ARHGAP17: variants seen among roughly 807,000 people sequenced by gnomAD.
ARHGAP17 encodes Rho GTPase activating protein 17, also known as rho GTPase-activating protein 17.
Under a neutral mutation model 99.5 loss-of-function variants are expected in ARHGAP17, and 57 were observed. The ratio of observed to expected loss-of-function variants is 0.57; its 90% CI spans 0.46 to 0.71. The LOEUF is 0.71. Among genes scored for constraint, ARHGAP17 ranks in the 30% least tolerant of loss-of-function variants. ARHGAP17 has a pLI of 0.00. For missense variants in ARHGAP17, 1,000 were observed against 1,122.4 expected (o/e 0.89, Z 1.56); for synonymous variants, 417 against 429.6 (o/e 0.97, Z 0.36).
At chr16:24,941,271 C>A (rs1339978625) in intron 16 of ARHGAP17, among the ~76,000 whole-genome samples, 1 of 152,162 alleles carries the variant, frequency 6.6e-6, no homozygotes, top group African/African-American at 2.4e-5. Flanking sequence ...CCAAGAAAAG[C>A]ATATTACTTC....
intron 19 of ARHGAP17, among the ~76,000 whole-genome samples, chr16:24,922,642 A>G (rs1049102010): frequency 2.0e-5 from 3 of 152,158 alleles, no homozygotes; most frequent in Admixed American, 6.5e-5. Flanking sequence ...ACCAGTTTTC[A>G]GAAAGAGACT....
At chr16:25,008,966 C>T (rs1268101169) in intron 1 of ARHGAP17, among the ~76,000 whole-genome samples, 2 of 152,160 alleles carry the variant, frequency 1.3e-5, no homozygotes, top group African/African-American at 2.4e-5. Context: ...GACAAGAGGA[C>T]CTCTTTCCAC....
intron 12 of ARHGAP17, among the ~76,000 whole-genome samples, 188 bp from the exon 13 acceptor site, chr16:24,949,672 C>T (rs557929445): frequency 1.3e-5 from 2 of 152,288 alleles, no homozygotes; most frequent in Admixed American, 6.5e-5. Flanking sequence ...GTTGGTTAAC[C>T]TTCAATCTCT....
chr16:24,940,253 A>G (rs1046063561), intron 16 of ARHGAP17, among the ~76,000 whole-genome samples: 3 of 152,238 alleles, frequency 2.0e-5, no homozygotes, highest in African/African-American at 4.8e-5. Flanking sequence ...TCCCATCTCA[A>G]ATCTGTTTTT....
intron 1 of ARHGAP17, chr16:25,013,796 G>C (rs1317734937): frequency 6.6e-6 from 1 of 152,154 alleles, no homozygotes; most frequent in Non-Finnish European, 1.5e-5. Flanking sequence ...AATGTATCTT[G>C]GCACTTACTA....
At chr16:25,014,824 GAAGTCAC>G (rs1567278566) in intron 1 of ARHGAP17, among the ~76,000 whole-genome samples, 2 of 152,344 alleles carry the variant, frequency 1.3e-5, no homozygotes, top group African/African-American at 4.8e-5. Flanking sequence ...GTTAGGGACA[GAAGTCAC>G]CGTTGTTGAG....
At chr16:24,969,626 G>A (rs535666546) in intron 4 of ARHGAP17, among the ~76,000 whole-genome samples, 1 of 152,302 alleles carries the variant, frequency 6.6e-6, no homozygotes, top group South Asian at 2.1e-4. Context: ...GCTATTACTT[G>A]GAAAACACTT....
chr16:24,985,264 T>C (rs932789796), intron 1 of ARHGAP17, among the ~76,000 whole-genome samples: 1 of 152,222 alleles, frequency 6.6e-6, no homozygotes, highest in African/African-American at 2.4e-5. Context: ...TTGTTTCCTA[T>C]TGCTGCTGTA....
intron 3 of ARHGAP17, among the ~76,000 whole-genome samples, chr16:24,973,178 C>T (rs1236953795): frequency 5.3e-5 from 8 of 152,218 alleles, no homozygotes; most frequent in Non-Finnish European, 1.5e-5. Flanking sequence ...TTGTAAAATG[C>T]ATGCCAATCG....
chr16:24,941,162 A>G (rs1172944443), intron 16 of ARHGAP17, among the ~76,000 whole-genome samples: 2 of 152,238 alleles, frequency 1.3e-5, no homozygotes, highest in African/African-American at 4.8e-5. Flanking sequence ...AAAGAACAAG[A>G]AACAAACAGC....
chr16:24,964,061 G>C (rs2052095995), intron 7 of ARHGAP17, 136 bp downstream of exon 7: 1 of 559,418 alleles, frequency 1.8e-6, no homozygotes, highest in East Asian at 3.1e-5. Context: ...TAGAGAAGAA[G>C]AAAATAAAAC....
chr16:25,015,148 CGCGCCCT>C lies in ARHGAP17; in HGVS notation c.53+54_53+60del, dbSNP rs1022601765. ...GACCGCGGAGGAGCCGTCCCGCCCC[CGCGCCCT>C]CCGCCCTCCGCCCCCAGCCCCGGTG... is the stretch of plus-strand genomic sequence containing the variant. On this transcript the variant is annotated intron_variant, in intron 1 of 19. Transcript: ENST00000289968. 2.7e-5 allele frequency: 33 copies of C among 1,212,000 alleles called. No individual in the cohort carries two copies. The African/African-American group carries it at 4.5e-4, about 17-fold the overall frequency. The allele number at this position is 1,212,000 out of a possible 1,614,324, so 75.1% of individuals were successfully genotyped here. A position where few individuals can be genotyped will look rare whatever the true frequency, so the allele number is the denominator to read the frequency against.
rs905961260 is a variant in ARHGAP17 at position 24,977,336 on chromosome 16, A to C, written c.94-17T>G. The C allele has an allele frequency of 6.4e-7, 1 of 1,556,280 alleles. No homozygotes were observed. The highest frequency in any genetic ancestry group is 1.4e-5 in the African/African-American group (1 of 73,834). On this transcript the variant is annotated splice_polypyrimidine_tract_variant and intron_variant, in intron 2 of 19. Transcript: ENST00000289968. ...TCTCTCAATCTGACAAGGCAGAGAC[A>C]AAAGAGAACAAATTCATCCTCTTTC... is the stretch of plus-strand genomic sequence containing the variant.
intron 12 of ARHGAP17, among the ~76,000 whole-genome samples, chr16:24,951,788 G>T (rs1333537782): frequency 6.6e-6 from 1 of 152,218 alleles, no homozygotes; most frequent in Non-Finnish European, 1.5e-5. Context: ...TAGGTTATCA[G>T]TAAGGCTTCC....
chr16:24,983,673 C>A (rs2052770100), intron 1 of ARHGAP17, among the ~76,000 whole-genome samples: 1 of 152,134 alleles, frequency 6.6e-6, no homozygotes. Context: ...TTTGTCAGAG[C>A]CTTCTTTGTG....
intron 1 of ARHGAP17, among the ~76,000 whole-genome samples, chr16:24,991,620 CGT>C (rs2141430167): frequency 1.3e-5 from 2 of 152,310 alleles, no homozygotes; most frequent in African/African-American, 4.8e-5. Flanking sequence ...GGACAGAGTA[CGT>C]GGAGAGTTAG....
intron 7 of ARHGAP17, 81 bp from the exon 8 acceptor site, chr16:24,960,060 C>T: frequency 1.5e-6 from 2 of 1,351,938 alleles, no homozygotes; most frequent in South Asian, 1.2e-5. Context: ...TCTGTGAGCT[C>T]TTAGATGAAA....
At chr16:24,926,674 GA>G (rs1567729361) in intron 19 of ARHGAP17, among the ~76,000 whole-genome samples, 1 of 152,242 alleles carries the variant, frequency 6.6e-6, no homozygotes, top group Non-Finnish European at 1.5e-5. Context: ...GCTACTTTGT[GA>G]GTGATTTGGT....
intron 5 of ARHGAP17, 82 bp downstream of exon 5, chr16:24,968,579 G>A: frequency 1.3e-6 from 2 of 1,528,196 alleles, no homozygotes; most frequent in East Asian, 2.3e-5. Flanking sequence ...GTTAAAGCCA[G>A]CAACTACTGT....
Sources: gnomAD v4.1 joint callset for allele counts (sites outside exome capture counted in the v4.1 genomes callset) on GRCh38, gnomAD v4.1.1 for gene constraint, MANE v1.5 for transcripts, NCBI Gene and HGNC (gene_info 2026-07-23, HGNC 2026-07-21) for gene names.